Variants in GAS7 observed in about 807,000 individuals in gnomAD.
GAS7 encodes the protein growth arrest specific 7.
Under a neutral mutation model 71.1 loss-of-function variants are expected in GAS7, and 28 were observed. That is an observed-to-expected ratio of 0.39 (90% confidence interval 0.29 to 0.54). The LOEUF (loss-of-function observed/expected upper bound fraction) is 0.54, where lower values mean the gene tolerates loss of function less well. Ranked by LOEUF, GAS7 falls within the 20% of genes least tolerant of loss-of-function variation. The probability of loss-of-function intolerance (pLI) is 0.62; values close to 1 mark genes in which losing one functional copy is unlikely to be tolerated. For synonymous variants in GAS7, 258 were observed against 245.8 expected, an observed-to-expected ratio of 1.05 and a Z score of -0.46; for missense variants, 436 against 627.8, an observed-to-expected ratio of 0.69 and a Z score of 3.27.
intron 11 of GAS7, chr17:9,924,529 C>CCTG (rs2067927926): frequency 6.8e-6 from 1 of 146,136 alleles, no homozygotes; most frequent in Admixed American, 6.8e-5. Context: ...CCTTCTGTGC[C>CCTG]CCCCCTTCTC....
chr17:10,147,292 T>G (rs905800242), intron 1 of GAS7, among the ~76,000 whole-genome samples: 1 of 152,212 alleles, frequency 6.6e-6, no homozygotes, highest in African/African-American at 2.4e-5. Context: ...GGTGTTTTCA[T>G]ACTTCCAGGC....
intron 5 of GAS7, among the ~76,000 whole-genome samples, chr17:9,956,918 C>T (rs536614269): frequency 3.9e-5 from 6 of 152,284 alleles, no homozygotes; most frequent in African/African-American, 1.4e-4. Flanking sequence ...AGGATCAGAA[C>T]CCAGAGGAAG....
At chr17:10,111,667 G>C (rs915723958) in intron 1 of GAS7, among the ~76,000 whole-genome samples, 8 of 152,162 alleles carry the variant, frequency 5.3e-5, no homozygotes, top group African/African-American at 1.9e-4. Context: ...CTGGAGACAG[G>C]GCAAGACTCC....
At chr17:9,923,464 C>T (rs1403775772) in intron 11 of GAS7, among the ~76,000 whole-genome samples, 1 of 152,056 alleles carries the variant, frequency 6.6e-6, no homozygotes, top group African/African-American at 2.4e-5. Context: ...AACGATTCAT[C>T]TCCCTGATAG....
chr17:10,036,590 G>T, intron 1 of GAS7: 1 of 1,499,964 alleles, frequency 6.7e-7, no homozygotes, highest in Non-Finnish European at 8.9e-7. Context: ...CTAGCCCAGG[G>T]CCAGTGTTCT....
At chr17:10,049,181 G>A (rs2073026024) in intron 1 of GAS7, among the ~76,000 whole-genome samples, 1 of 152,202 alleles carries the variant, frequency 6.6e-6, no homozygotes, top group Non-Finnish European at 1.5e-5. Flanking sequence ...AAGCAACACT[G>A]TGCTATGTAA....
chr17:10,120,475 C>G (rs2073895466), intron 1 of GAS7, among the ~76,000 whole-genome samples: 1 of 152,122 alleles, frequency 6.6e-6, no homozygotes, highest in Non-Finnish European at 1.5e-5. Context: ...TGAAGGGAGG[C>G]CAAGGCGGGT....
At chr17:9,956,078 G>C (rs1353129131) in intron 5 of GAS7, among the ~76,000 whole-genome samples, 1 of 152,228 alleles carries the variant, frequency 6.6e-6, no homozygotes, top group African/African-American at 2.4e-5. Context: ...TGTGACCAAG[G>C]GGGCTGACAT....
chr17:9,998,546 G>A (rs1406887369), intron 2 of GAS7, among the ~76,000 whole-genome samples: 3 of 152,260 alleles, frequency 2.0e-5, no homozygotes, highest in East Asian at 1.9e-4. Flanking sequence ...CAAGGTAGGT[G>A]TCTTGAGCCC....
chr17:10,138,398 T>C (rs556201496), intron 1 of GAS7, among the ~76,000 whole-genome samples: 8 of 152,194 alleles, frequency 5.3e-5, no homozygotes, highest in African/African-American at 1.7e-4. Context: ...GAAAAGGAAA[T>C]ATGAATGTGG....
In GAS7 at chr17:9,920,008, T is replaced by TGTGC. The variant is rs1555585019; in HGVS notation, c.1139-304_1139-303insGCAC. 2.1e-5 allele frequency among the ~76,000 whole-genome samples: 3 copies of TGTGC among 143,918 alleles called. 1 individual carries two copies. The highest frequency in any genetic ancestry group is 2.0e-4 in the East Asian group (1 of 5,096). 94.4% of individuals were successfully genotyped at this position (143,918 alleles called of 152,430 possible). ...GTGTGTGTGTGTGTGTGTGTGTGTG[T>TGTGC]GTGTGTGTCTAGGGTATTCCTAGGA... On this transcript the variant is annotated intron_variant, in intron 11 of 13. Coordinates refer to ENST00000432992, the MANE Select transcript of GAS7 (RefSeq NM_201433.2).
intron 1 of GAS7, among the ~76,000 whole-genome samples, chr17:10,097,689 C>A (rs1013666725): frequency 2.0e-5 from 3 of 152,082 alleles, no homozygotes; most frequent in Non-Finnish European, 4.4e-5. Context: ...ATGGCAGGCA[C>A]GACAGGTACA....
intron 1 of GAS7, among the ~76,000 whole-genome samples, chr17:10,082,709 T>C (rs1404191452): frequency 6.6e-6 from 1 of 152,206 alleles, no homozygotes. Context: ...AGCAGATTTA[T>C]TCATAATAGC....
intron 1 of GAS7, among the ~76,000 whole-genome samples, chr17:10,177,963 C>T (rs902635272): frequency 2.0e-5 from 3 of 152,036 alleles, no homozygotes; most frequent in African/African-American, 4.8e-5. Flanking sequence ...TCAGCACTGG[C>T]GCCATTAGGC....
rs1319345423 is a variant in GAS7 at position 9,911,499 on chromosome 17, C to A, written c.*5729G>T. The A allele has an allele frequency of 4.3e-6, 1 of 233,640 alleles. No homozygotes were observed. The highest frequency in any genetic ancestry group is 6.0e-5 in the East Asian group (1 of 16,596). 14.5% of individuals were successfully genotyped at this position (233,640 alleles called of 1,614,324 possible). A position where few individuals can be genotyped will look rare whatever the true frequency, so the allele number is the denominator to read the frequency against. ...CATCGCCCCAACCTCACCCCACCCC[C>A]AGAGACACCTCCCAGGAAGCCCTCC... On this transcript the variant is annotated 3_prime_UTR_variant, in exon 14 of 14. Transcript: ENST00000432992. The surrounding 1 kb of genome is among the most constrained non-coding windows in gnomAD (Gnocchi z 4.0).
chr17:10,112,321 G>C (rs4791928), intron 1 of GAS7, among the ~76,000 whole-genome samples: 1 of 151,972 alleles, frequency 6.6e-6, no homozygotes, highest in Non-Finnish European at 1.5e-5. Context: ...CTTTGGAAAG[G>C]GAGAGGCAGA....
chr17:10,164,251 G>A lies in GAS7; in HGVS notation c.183+33957C>T, dbSNP rs116873471. 4.4e-3 allele frequency among the ~76,000 whole-genome samples: 662 copies of A among 152,078 alleles called. 1 individual carries two copies. Among genetic ancestry groups the A allele is most frequent in the South Asian group, 1.0e-2 (48 of 4,806 alleles). ...AGGTCAAGAGATCGAGACCATCCCT[G>A]GCAAACGTGGTGAAACCCCATTTCT... On this transcript the variant is annotated intron_variant, in intron 1 of 13. Coordinates refer to ENST00000432992, the MANE Select transcript of GAS7 (RefSeq NM_201433.2).
chr17:10,007,961 T>C (rs1034201583), intron 2 of GAS7, among the ~76,000 whole-genome samples: 3 of 152,222 alleles, frequency 2.0e-5, no homozygotes, highest in African/African-American at 7.2e-5. Flanking sequence ...GCGTTTCATA[T>C]AAACAGAATC....
rs147479129 is a variant in GAS7 at position 9,913,678 on chromosome 17, G to A, written c.*3550C>T. The A allele has an allele frequency of 2.4e-3, 566 of 231,368 alleles. 2 individuals are homozygous for A. Among genetic ancestry groups the A allele is most frequent in the African/African-American group, 0.012 (531 of 45,296 alleles). The allele number at this position is 231,368 out of a possible 1,614,324, so 14.3% of individuals were successfully genotyped here. A position where few individuals can be genotyped will look rare whatever the true frequency, so the allele number is the denominator to read the frequency against. ...GGAGGTAGAAAGGAGGCCCAGGGTG[G>A]TCCCACTGACAGAATCTCAGGGCCG... On this transcript the variant is annotated 3_prime_UTR_variant, in exon 14 of 14. Transcript: ENST00000432992.
Sources: allele counts gnomAD v4.1 joint callset (sites outside exome capture counted in the v4.1 genomes callset), GRCh38; gene constraint gnomAD v4.1.1; non-coding constraint Gnocchi (gnomAD v3.1); transcripts MANE v1.5; gene names NCBI Gene and HGNC (gene_info 2026-07-23, HGNC 2026-07-21).